DECR1: variants seen among roughly 807,000 people sequenced by gnomAD.
DECR1 encodes 2,4-dienoyl-CoA reductase [(3E)-enoyl-CoA-producing], mitochondrial.
Under a neutral mutation model 38.8 loss-of-function variants are expected in DECR1, and 44 were observed. The ratio of observed to expected loss-of-function variants is 1.13; its 90% CI spans 0.89 to 1.46. The LOEUF is 1.46. DECR1 is among the 40% of genes most tolerant of loss of function. The pLI is 0.00. For synonymous variants in DECR1, 148 were observed against 135.2 expected (o/e 1.09, Z -0.66); for missense variants, 428 against 405.5 (o/e 1.06, Z -0.48).
At chr8:90,048,891 A>C (rs1252303300) in intron 8 of DECR1, among the ~76,000 whole-genome samples, 2 of 152,244 alleles carry the variant, frequency 1.3e-5, no homozygotes, top group African/African-American at 4.8e-5. Context: ...CAACATACCC[A>C]AATCAATAAA....
chr8:90,019,121 T>C lies in DECR1; in HGVS notation c.366T>C (p.Asp122=), dbSNP rs138725804. ...HAIQCDVRDP[D]MVQNTVSELI... ...TTCAGTGTGATGTGAGGGATCCTGA[T>C]ATGGTTCAAAACACTGTGTCAGAAC... Residue 122 remains aspartate (D), a synonymous_variant, in exon 4 of 10, where the codon GAT becomes GAC. Transcript: ENST00000220764. 5.1e-4 allele frequency: 828 copies of C among 1,614,200 alleles called. 6 individuals carry two copies. In the African/African-American group the frequency reaches 7.9e-3, roughly 15 times the overall value.
chr8:90,051,458 C>T (rs1032967606), intron 8 of DECR1, among the ~76,000 whole-genome samples: 2 of 152,016 alleles, frequency 1.3e-5, no homozygotes, highest in Non-Finnish European at 2.9e-5. Flanking sequence ...AGATGATCTT[C>T]AATATTGGGT....
chr8:90,032,266 A>G lies in DECR1; in HGVS notation c.566-4575A>G, dbSNP rs76843443. 5.0e-4 allele frequency among the ~76,000 whole-genome samples: 76 copies of G among 152,244 alleles called. No homozygotes were observed. In the East Asian group the frequency reaches 0.012, roughly 24 times the overall value. ...TCAGCTTAGGGCCACCCTATCTCCTAGGGACCTCTCTCTGATCCTTACATA... is the reference window on the plus strand; with the variant it reads ...TCAGCTTAGGGCCACCCTATCTCCTGGGGACCTCTCTCTGATCCTTACATA... On this transcript the variant is annotated intron_variant, in intron 5 of 9. Coordinates refer to ENST00000220764, the MANE Select transcript of DECR1 (RefSeq NM_001359.2).
At chr8:90,028,268 AT>A (rs906033530) in intron 5 of DECR1, among the ~76,000 whole-genome samples, 220 of 151,684 alleles carry the variant, frequency 1.5e-3, no homozygotes, top group African/African-American at 3.2e-3. Flanking sequence ...TCATATTTGG[AT>A]TTTTTTTTAG....
intron 1 of DECR1, among the ~76,000 whole-genome samples, chr8:90,014,681 C>T (rs985953646): frequency 2.6e-5 from 4 of 152,080 alleles, no homozygotes; most frequent in African/African-American, 9.7e-5. Context: ...ATGCAAATAT[C>T]TTGTTTAATT....
chr8:90,019,839 C>T (rs189280609), intron 4 of DECR1, among the ~76,000 whole-genome samples: 37 of 152,350 alleles, frequency 2.4e-4, no homozygotes, highest in African/African-American at 8.4e-4. Flanking sequence ...TGCTACACAA[C>T]TTCCTTTCAG....
intron 7 of DECR1, 67 bp downstream of exon 7, chr8:90,042,867 C>A: frequency 2.2e-6 from 3 of 1,378,592 alleles, no homozygotes; most frequent in Non-Finnish European, 3.1e-6. Context: ...TAGGTATATT[C>A]TGGTTGTTGT....
rs1813086886 is a variant in DECR1 at position 90,019,176 on chromosome 8, A to G, written c.417+4A>G. On this transcript the variant is annotated splice_donor_region_variant and intron_variant, in intron 4 of 9. Coordinates refer to ENST00000220764, the MANE Select transcript of DECR1 (RefSeq NM_001359.2). ...CAAAGTTGCAGGACATCCTAATGTA[A>G]GTGTAGCAATGATGAAGCCAAAGTG... is the stretch of plus-strand genomic sequence containing the variant. 1 of 1,613,062 alleles carries G rather than the reference A, an allele frequency of 6.2e-7. No homozygotes were observed. Among genetic ancestry groups the G allele is most frequent in the Non-Finnish European group, 8.5e-7 (1 of 1,179,184 alleles).
At chr8:90,010,486 A>G (rs1253557896) in intron 1 of DECR1, among the ~76,000 whole-genome samples, 4 of 152,258 alleles carry the variant, frequency 2.6e-5, no homozygotes, top group Non-Finnish European at 4.4e-5. Context: ...GCAATCGGAC[A>G]AAATAAATTG....
In DECR1 at chr8:90,043,186, T is replaced by C. The variant is rs1168702423; in HGVS notation, c.738+386T>C. 4.6e-5 allele frequency among the ~76,000 whole-genome samples: 7 copies of C among 152,144 alleles called. No individual in the cohort carries two copies. In the East Asian group the frequency reaches 1.2e-3, roughly 25 times the overall value. ...AAAAAATCAAGGAAATGTAACTATA[T>C]TTTTAGTTTGAGAGATGCTTTGGTA... is the stretch of plus-strand genomic sequence containing the variant. On this transcript the variant is annotated intron_variant, in intron 7 of 9. Transcript: ENST00000220764.
At position 90,043,506 on chromosome 8, in the gene DECR1, G is replaced by GC. The variant is rs376400383; in HGVS notation, c.738+707dup. Among the ~76,000 whole-genome samples the GC allele has an allele frequency of 2.2e-3, 339 of 152,270 alleles. 2 individuals are homozygous for GC. Among genetic ancestry groups the GC allele is most frequent in the African/African-American group, 7.0e-3 (292 of 41,554 alleles). ...ACACTTCTCTTGGTTTTCACCTAAA[G>GC]CAAGTATTTATAATGCCAACCAGAT... On this transcript the variant is annotated intron_variant, in intron 7 of 9. Coordinates refer to ENST00000220764, the MANE Select transcript of DECR1 (RefSeq NM_001359.2).
intron 8 of DECR1, 24 bp downstream of exon 8, chr8:90,045,019 A>G (rs892523731): frequency 6.2e-7 from 1 of 1,611,232 alleles, no homozygotes; most frequent in East Asian, 2.2e-5. Context: ...ATTTCTCTTC[A>G]CTTTTTTTTC....
At chr8:90,025,570 T>G (rs1313679050) in intron 5 of DECR1, among the ~76,000 whole-genome samples, 2 of 152,234 alleles carry the variant, frequency 1.3e-5, no homozygotes, top group African/African-American at 4.8e-5. Context: ...CACATTGATT[T>G]TGTATCCTGA....
intron 6 of DECR1, among the ~76,000 whole-genome samples, chr8:90,041,730 A>G (rs1813768533): frequency 6.6e-6 from 1 of 152,194 alleles, no homozygotes; most frequent in Non-Finnish European, 1.5e-5. Context: ...GAATAGATAC[A>G]AATTTGTGAT....
intron 1 of DECR1, chr8:90,006,219 C>CAT: frequency 1.4e-5 from 10 of 704,154 alleles, no homozygotes; most frequent in Non-Finnish European, 2.6e-5. Flanking sequence ...ACTACCTGAA[C>CAT]TTCTCACAGT....
chr8:90,047,391 C>T (rs1362047760), intron 8 of DECR1, among the ~76,000 whole-genome samples: 1 of 152,084 alleles, frequency 6.6e-6, no homozygotes, highest in Non-Finnish European at 1.5e-5. Flanking sequence ...ATCCTAGTCT[C>T]TGATAAAACA....
At chr8:90,050,971 CA>C (rs1563663602) in intron 8 of DECR1, among the ~76,000 whole-genome samples, 1 of 151,972 alleles carries the variant, frequency 6.6e-6, no homozygotes, top group Non-Finnish European at 1.5e-5. Flanking sequence ...GGGAATTGAA[CA>C]ATGAAAACAC....
At chr8:90,020,244 C>T (rs1348136369) in intron 4 of DECR1, among the ~76,000 whole-genome samples, 2 of 152,176 alleles carry the variant, frequency 1.3e-5, no homozygotes, top group Admixed American at 6.5e-5. Context: ...GTAAATAGAT[C>T]ATCAACCACA....
intron 1 of DECR1, among the ~76,000 whole-genome samples, chr8:90,002,328 G>A (rs1466498854): frequency 6.6e-6 from 1 of 152,030 alleles, no homozygotes; most frequent in African/African-American, 2.4e-5. Flanking sequence ...CAAAACCCCA[G>A]CTGTTTATAG....
Sources: gnomAD v4.1 joint callset for allele counts (sites outside exome capture counted in the v4.1 genomes callset) on GRCh38, gnomAD v4.1.1 for gene constraint, MANE v1.5 for transcripts, NCBI Gene and HGNC (gene_info 2026-07-23, HGNC 2026-07-21) for gene names.